CSMD1: variants seen among roughly 807,000 people sequenced by gnomAD.
CSMD1 encodes CUB and sushi domain-containing protein 1.
In CSMD1, 213 loss-of-function variants were observed where a neutral mutation model predicts 417.5. That is an observed-to-expected ratio of 0.51 (90% CI 0.46 to 0.57). CSMD1 has a LOEUF of 0.57. Ranked by LOEUF, CSMD1 falls within the 20% of genes least tolerant of loss-of-function variation. CSMD1 has a pLI of 0.00. For synonymous variants in CSMD1, 2,862 were observed against 1,736.8 expected, an observed-to-expected ratio of 1.65 and a Z score of -16.11; for missense variants, 6,923 against 4,529.7, an observed-to-expected ratio of 1.53 and a Z score of -15.17.
chr8:3,142,791 G>T, intron 40 of CSMD1, 117 bp from the exon 41 acceptor site: 4 of 892,688 alleles, frequency 4.5e-6, no homozygotes, highest in Non-Finnish European at 7.2e-6. Flanking sequence ...CTGTGAGACA[G>T]AACCATGCCG....
intron 5 of CSMD1, among the ~76,000 whole-genome samples, chr8:3,822,097 G>C (rs17067668): frequency 9.9e-5 from 15 of 151,880 alleles, no homozygotes; most frequent in African/African-American, 3.2e-4. Flanking sequence ...CCTATGTTTT[G>C]TCTCCGATTT....
chr8:3,715,106 A>C (rs930737877), intron 6 of CSMD1, among the ~76,000 whole-genome samples: 1 of 152,154 alleles, frequency 6.6e-6, no homozygotes, highest in Non-Finnish European at 1.5e-5. Flanking sequence ...TTTGTGTTTT[A>C]CACTGAGGAA....
chr8:3,744,576 A>G (rs1796975404), intron 6 of CSMD1, among the ~76,000 whole-genome samples: 1 of 152,218 alleles, frequency 6.6e-6, no homozygotes, highest in Admixed American at 6.5e-5. Flanking sequence ...TAGTTTGTCA[A>G]TGTAAATGTG....
At chr8:4,829,604 A>T (rs908068089) in intron 1 of CSMD1, among the ~76,000 whole-genome samples, 1 of 152,042 alleles carries the variant, frequency 6.6e-6, no homozygotes, top group Non-Finnish European at 1.5e-5. Context: ...AGCTGGGCAC[A>T]GTGGTCATGC....
rs778341538 is a variant in CSMD1 at position 3,091,522 on chromosome 8, A to T, written c.7279T>A (p.Tyr2427Asn). The change falls in exon 48 of 70, where the codon TAT (tyrosine) becomes AAT (asparagine). Residue 2427 changes from tyrosine (Y) to asparagine (N), a missense_variant. Physicochemically the swap from Tyr to Asn is moderately radical, Grantham distance 143. Transcript: ENST00000635120. ...CTAAACCTCATTTACTTACCTGCAT[A>T]GCGAATCTTGAATCCTTTCTTACTG... ...ATSKKGFKIRYAAPYCSLTHP... is the reference protein window; with the variant it reads ...ATSKKGFKIRNAAPYCSLTHP... The T allele has an allele frequency of 6.2e-7, 1 of 1,602,776 alleles. No individual in the cohort carries two copies. The highest frequency in any genetic ancestry group is 1.8e-5 in the Admixed American group (1 of 56,322).
At chr8:4,026,486 C>G (rs188013667) in intron 4 of CSMD1, among the ~76,000 whole-genome samples, 1 of 152,162 alleles carries the variant, frequency 6.6e-6, no homozygotes, top group Admixed American at 6.5e-5. Flanking sequence ...AAAGATCCTC[C>G]AATTAAGAAG....
chr8:3,905,725 G>A (rs986477771), intron 5 of CSMD1, among the ~76,000 whole-genome samples: 4 of 152,144 alleles, frequency 2.6e-5, no homozygotes, highest in Non-Finnish European at 5.9e-5. Flanking sequence ...CCAAGTCCAC[G>A]CAGATAATAG....
intron 1 of CSMD1, among the ~76,000 whole-genome samples, chr8:4,928,339 G>C (rs567690558): frequency 2.6e-5 from 4 of 152,084 alleles, no homozygotes; most frequent in African/African-American, 9.7e-5. Context: ...CCACCATCCG[G>C]TATCACTGTC....
intron 36 of CSMD1, among the ~76,000 whole-genome samples, chr8:3,185,662 G>A (rs2068785): frequency 0.14 from 20,887 of 152,190 alleles, 1,796 homozygotes; most frequent in Admixed American, 0.21. Context: ...TTGCTGTACA[G>A]CAGTTGATAA....
At chr8:4,633,450 C>T (rs1242401392) in intron 2 of CSMD1, among the ~76,000 whole-genome samples, 3 of 151,898 alleles carry the variant, frequency 2.0e-5, no homozygotes, top group African/African-American at 4.8e-5. Context: ...GGGGTTTCAC[C>T]GTGTTAGCCA....
intron 17 of CSMD1, among the ~76,000 whole-genome samples, chr8:3,390,497 C>A (rs1490016601): frequency 6.6e-6 from 1 of 151,950 alleles, no homozygotes; most frequent in Non-Finnish European, 1.5e-5. Flanking sequence ...CAAAGTCCTA[C>A]CTTCTTTCCC....
At chr8:4,708,810 A>G (rs1808107960) in intron 1 of CSMD1, among the ~76,000 whole-genome samples, 1 of 152,190 alleles carries the variant, frequency 6.6e-6, no homozygotes, top group African/African-American at 2.4e-5. Flanking sequence ...TTTAAATTAA[A>G]ATGAGGTCAT....
chr8:4,949,472 T>C (rs75903652), intron 1 of CSMD1, among the ~76,000 whole-genome samples: 5,320 of 152,280 alleles, frequency 0.035, 307 homozygotes, highest in African/African-American at 0.12. Flanking sequence ...CACTGCCTCA[T>C]CTAATTTAGT....
chr8:4,061,435 T>A (rs1479544818), intron 3 of CSMD1, among the ~76,000 whole-genome samples: 1 of 152,186 alleles, frequency 6.6e-6, no homozygotes, highest in African/African-American at 2.4e-5. Context: ...CCTGTGAAAC[T>A]TTTATAGCTC....
intron 49 of CSMD1, among the ~76,000 whole-genome samples, chr8:3,061,429 G>C (rs145855861): frequency 2.0e-5 from 3 of 152,320 alleles, no homozygotes; most frequent in African/African-American, 7.2e-5. Context: ...CTTTTCATCA[G>C]AATGTTCGGG....
At chr8:4,048,171 T>C (rs1283582921) in intron 3 of CSMD1, among the ~76,000 whole-genome samples, 2 of 152,166 alleles carry the variant, frequency 1.3e-5, no homozygotes, top group African/African-American at 2.4e-5. Flanking sequence ...CAGACTTTGT[T>C]TTGGTTGTTG....
intron 3 of CSMD1, among the ~76,000 whole-genome samples, chr8:4,296,277 T>C (rs964681801): frequency 2.0e-5 from 3 of 152,102 alleles, no homozygotes; most frequent in Admixed American, 6.6e-5. Flanking sequence ...AATTCAGAAG[T>C]GCCCAAGGCA....
intron 5 of CSMD1, among the ~76,000 whole-genome samples, chr8:3,804,173 C>A (rs1800605507): frequency 1.3e-5 from 2 of 152,120 alleles, no homozygotes; most frequent in South Asian, 2.1e-4. Flanking sequence ...CCCAGGTGAT[C>A]TGCCCACCTC....
At chr8:3,810,729 A>C (rs1801020464) in intron 5 of CSMD1, among the ~76,000 whole-genome samples, 1 of 152,170 alleles carries the variant, frequency 6.6e-6, no homozygotes, top group East Asian at 1.9e-4. Flanking sequence ...TTTGTTATGA[A>C]AAAGCCTTGG....
Sources: gnomAD v4.1 joint callset for allele counts (sites outside exome capture counted in the v4.1 genomes callset) on GRCh38, gnomAD v4.1.1 for gene constraint, MANE v1.5 for transcripts, NCBI Gene and HGNC (gene_info 2026-07-23, HGNC 2026-07-21) for gene names.